RBM20: variants seen among roughly 807,000 people sequenced by gnomAD.
RBM20 encodes the protein RNA-binding protein 20.
A neutral mutation model predicts 110.1 loss-of-function variants in RBM20; 51 were observed. That is an observed-to-expected ratio of 0.46 (90% CI 0.37 to 0.59). The LOEUF is 0.59. RBM20 is among the 20% of genes least tolerant of loss of function. RBM20 has a pLI of 0.00. For missense variants in RBM20, 1,512 were observed against 1,574.9 expected (o/e 0.96, Z 0.68); for synonymous variants, 589 against 618.2 (o/e 0.95, Z 0.70).
chr10:110,789,851 C>T (rs1172896452), intron 5 of RBM20, among the ~76,000 whole-genome samples: 7 of 152,096 alleles, frequency 4.6e-5, no homozygotes, highest in South Asian at 2.1e-4. Flanking sequence ...CTGACTGAGT[C>T]GTCATAAACA....
intron 1 of RBM20, among the ~76,000 whole-genome samples, chr10:110,684,056 G>A (rs2134864599): frequency 6.6e-6 from 1 of 152,288 alleles, no homozygotes; most frequent in South Asian, 2.1e-4. Context: ...AGAAAGTCAT[G>A]GAAATAATTT....
intron 7 of RBM20, among the ~76,000 whole-genome samples, chr10:110,809,427 A>T (rs946619384): frequency 6.6e-6 from 1 of 152,098 alleles, no homozygotes; most frequent in Non-Finnish European, 1.5e-5. Flanking sequence ...TATGTAAGGG[A>T]TGAATTCTGC....
At chr10:110,768,261 G>GGGAGAA (rs1002453895) in intron 1 of RBM20, among the ~76,000 whole-genome samples, 3 of 151,912 alleles carry the variant, frequency 2.0e-5, no homozygotes, top group Non-Finnish European at 2.9e-5. Context: ...GAGAGGGAGA[G>GGGAGAA]GGAGAGGGAG....
At chr10:110,706,487 C>G (rs1241238767) in intron 1 of RBM20, among the ~76,000 whole-genome samples, 1 of 152,180 alleles carries the variant, frequency 6.6e-6, no homozygotes, top group African/African-American at 2.4e-5. Context: ...CTGATATCCG[C>G]CAGGAAATGC....
chr10:110,729,374 C>T (rs188133542), intron 1 of RBM20, among the ~76,000 whole-genome samples: 5 of 152,332 alleles, frequency 3.3e-5, no homozygotes, highest in African/African-American at 1.2e-4. Context: ...GCCTCTCCTT[C>T]TCACCTAGTA....
At chr10:110,733,497 G>A (rs1843639863) in intron 1 of RBM20, among the ~76,000 whole-genome samples, 1 of 152,250 alleles carries the variant, frequency 6.6e-6, no homozygotes. Context: ...GGTACACAGA[G>A]GAGGCATGCA....
At chr10:110,645,115 A>G (rs1287305739) in intron 1 of RBM20, among the ~76,000 whole-genome samples, 1 of 152,188 alleles carries the variant, frequency 6.6e-6, no homozygotes, top group African/African-American at 2.4e-5. Flanking sequence ...TGTAAACAAC[A>G]TGTTTTACTT....
chr10:110,799,905 A>C lies in RBM20; in HGVS notation c.1787A>C (p.Glu596Ala), dbSNP rs1554901133. ...ATTCGGATGTCCAAGAGATACAAGG[A>C]ATTGCAGCTCAAGGTAAAGCATTAT... ...LLIRMSKRYK[E>A]LQLKKPGKAV... The change falls in exon 7 of 14, where the codon GAA becomes GCA. Residue 596 changes from glutamate (E) to alanine (A), a missense_variant. This residue lies in a region of RBM20 where 1,149 missense variants were observed against 1,169.4 expected (regional missense o/e 0.98). Transcript: ENST00000369519. 6.4e-7 allele frequency: 1 copy of C among 1,552,050 alleles called. No individual in the cohort carries two copies. Among genetic ancestry groups the C allele is most frequent in the Non-Finnish European group, 8.7e-7 (1 of 1,147,026 alleles).
At chr10:110,829,771 G>A (rs1845025999) in intron 12 of RBM20, among the ~76,000 whole-genome samples, 4 of 152,208 alleles carry the variant, frequency 2.6e-5, no homozygotes, top group Admixed American at 2.0e-4. Context: ...AGCAGGCGCT[G>A]TCATGAGTGG....
intron 1 of RBM20, among the ~76,000 whole-genome samples, chr10:110,778,418 A>C (rs1844294849): frequency 6.6e-6 from 1 of 152,230 alleles, no homozygotes; most frequent in African/African-American, 2.4e-5. Flanking sequence ...CCAACAAGAC[A>C]GTGTGGCAAC....
At position 110,836,810 on chromosome 10, in the gene RBM20, G is replaced by A. The variant is rs957796118; in HGVS notation, c.*832G>A. The stretch of plus-strand genomic sequence containing the variant: ...TATTCTGGACAATGAATTTGGTACA[G>A]AGTCACTGTAATTAAATATAAAAAC... On this transcript the variant is annotated 3_prime_UTR_variant, in exon 14 of 14. Transcript: ENST00000369519. 6.6e-6 allele frequency: 1 copy of A among 152,200 alleles called. No individual in the cohort carries two copies. The highest frequency in any genetic ancestry group is 1.5e-5 in the Non-Finnish European group (1 of 68,042). 9.4% of individuals were successfully genotyped at this position (152,200 alleles called of 1,614,324 possible). A position where few individuals can be genotyped will look rare whatever the true frequency, so the allele number is the denominator to read the frequency against.
intron 5 of RBM20, among the ~76,000 whole-genome samples, chr10:110,787,982 T>C (rs548291908): frequency 6.6e-6 from 1 of 152,272 alleles, no homozygotes; most frequent in South Asian, 2.1e-4. Flanking sequence ...GACAACCCCA[T>C]GAGGTGGATA....
At chr10:110,740,834 T>C (rs1200321016) in intron 1 of RBM20, among the ~76,000 whole-genome samples, 1 of 152,126 alleles carries the variant, frequency 6.6e-6, no homozygotes, top group African/African-American at 2.4e-5. Context: ...CCATGTTAAC[T>C]CTTGTGAGTA....
Position 110,647,217 on chromosome 10 carries a change from G to A in RBM20, c.191+2572G>A, listed in dbSNP as rs1861881682. On this transcript the variant is annotated intron_variant, in intron 1 of 13. Transcript: ENST00000369519. ...TATATTTGGTGTTTAGAGAACTGCCGTATACTACATTTACAAAGATAAACA... is the reference window on the plus strand; with the variant it reads ...TATATTTGGTGTTTAGAGAACTGCCATATACTACATTTACAAAGATAAACA... Among the ~76,000 whole-genome samples, 4 of 152,210 alleles carry A rather than the reference G, an allele frequency of 2.6e-5. No homozygotes were observed. In the South Asian group the frequency reaches 8.3e-4, roughly 32 times the overall value.
intron 1 of RBM20, among the ~76,000 whole-genome samples, chr10:110,699,342 C>A (rs113261302): frequency 2.7e-5 from 4 of 148,698 alleles, no homozygotes; most frequent in Non-Finnish European, 5.9e-5. Context: ...AATCTCGGCT[C>A]ACTGCAATGT....
Position 110,740,810 on chromosome 10 carries a change from A to C in RBM20, c.192-39991A>C, listed in dbSNP as rs12250877. Among the ~76,000 whole-genome samples the C allele has an allele frequency of 6.0e-3, 913 of 152,276 alleles. 9 individuals carry two copies. The highest frequency in any genetic ancestry group is 0.021 in the African/African-American group (873 of 41,536). ...CTCGTTCTAGGGGGTGTTGTCCAGC[A>C]GATGCATGGACGTCCATGTTAACTC... On this transcript the variant is annotated intron_variant, in intron 1 of 13. Transcript: ENST00000369519.
intron 1 of RBM20, among the ~76,000 whole-genome samples, chr10:110,765,174 T>TC (rs1844063252): frequency 1.3e-5 from 2 of 152,170 alleles, no homozygotes; most frequent in South Asian, 2.1e-4. Context: ...GATTGAGTTA[T>TC]CACCAGATCT....
chr10:110,643,437 A>G (rs565767436), upstream of RBM20, among the ~76,000 whole-genome samples: 43 of 152,326 alleles, frequency 2.8e-4, no homozygotes, highest in South Asian at 8.7e-3. Flanking sequence ...ACAGCTGTGA[A>G]CCGGTGAGTG....
intron 1 of RBM20, among the ~76,000 whole-genome samples, chr10:110,694,125 T>G (rs1049832908): frequency 9.8e-5 from 15 of 152,336 alleles, no homozygotes; most frequent in African/African-American, 3.6e-4. Context: ...CAGTCATTCA[T>G]GCAACAAGCA....
Sources: allele counts gnomAD v4.1 joint callset (sites outside exome capture counted in the v4.1 genomes callset), GRCh38; gene constraint gnomAD v4.1.1; regional missense constraint gnomAD v4.1.1; transcripts MANE v1.5; gene names NCBI Gene and HGNC (gene_info 2026-07-23, HGNC 2026-07-21).